EBF2: variants seen among roughly 807,000 people sequenced by gnomAD.
EBF2 encodes the protein transcription factor COE2.
Under a neutral mutation model 72.8 loss-of-function variants are expected in EBF2, and 21 were observed. That is an observed-to-expected ratio of 0.29 (90% CI 0.20 to 0.42). EBF2 has a LOEUF of 0.42. EBF2 is among the 10% of genes least tolerant of loss of function. The probability of loss-of-function intolerance (pLI) is 1.00; values close to 1 mark genes in which losing one functional copy is unlikely to be tolerated. For synonymous variants in EBF2, 299 were observed against 274.2 expected (o/e 1.09, Z -0.89); for missense variants, 637 against 731.2 (o/e 0.87, Z 1.49).
chr8:25,852,677 G>A (rs1585257931), intron 14 of EBF2, among the ~76,000 whole-genome samples: 1 of 152,180 alleles, frequency 6.6e-6, no homozygotes, highest in African/African-American at 2.4e-5. Flanking sequence ...AGGAATTGTT[G>A]CAGAGTTGAG....
At chr8:25,855,465 A>T (rs1390753500) in intron 14 of EBF2, among the ~76,000 whole-genome samples, 1 of 152,124 alleles carries the variant, frequency 6.6e-6, no homozygotes, top group Non-Finnish European at 1.5e-5. Flanking sequence ...CGGGTTTCTG[A>T]TACTCTACGT....
chr8:25,909,864 C>T (rs1434237469), intron 6 of EBF2, among the ~76,000 whole-genome samples: 1 of 152,188 alleles, frequency 6.6e-6, no homozygotes, highest in African/African-American at 2.4e-5. Flanking sequence ...TATTTGGCCA[C>T]ATGCTCCCAT....
intron 1 of EBF2, among the ~76,000 whole-genome samples, chr8:26,042,555 GCAGA>G (rs149790159): frequency 0.015 from 2,263 of 152,232 alleles, 67 homozygotes; most frequent in African/African-American, 0.052. Flanking sequence ...GACCCCGGCT[GCAGA>G]CAGAGGCCCA....
At chr8:25,896,823 T>A (rs1017401760) in intron 7 of EBF2, among the ~76,000 whole-genome samples, 5 of 152,218 alleles carry the variant, frequency 3.3e-5, no homozygotes, top group African/African-American at 4.8e-5. Flanking sequence ...TAAGCCTCCA[T>A]TAATTCAATC....
At chr8:25,900,496 A>G (rs1161326823) in intron 7 of EBF2, among the ~76,000 whole-genome samples, 3 of 152,188 alleles carry the variant, frequency 2.0e-5, no homozygotes, top group East Asian at 1.9e-4. Flanking sequence ...CTGTCTTTCC[A>G]TATCTACTGA....
intron 6 of EBF2, among the ~76,000 whole-genome samples, chr8:25,922,952 A>C (rs1803328720): frequency 7.8e-6 from 1 of 128,398 alleles, no homozygotes; most frequent in Non-Finnish European, 1.6e-5. Flanking sequence ...CAACTACTAA[A>C]GGAAAAAAAA....
At chr8:25,986,008 A>AAAAAAAAAAAAAAC in intron 6 of EBF2, among the ~76,000 whole-genome samples, 1 of 147,288 alleles carries the variant, frequency 6.8e-6, no homozygotes, top group Non-Finnish European at 1.5e-5. Context: ...TCTCAAAAAA[A>AAAAAAAAAAAAAAC]AAAAAAAAAA....
At position 25,889,788 on chromosome 8, in the gene EBF2, G is replaced by A; in HGVS notation, c.715C>T (p.His239Tyr). 1 of 1,614,028 alleles carries A rather than the reference G, an allele frequency of 6.2e-7. No individual in the cohort carries two copies. Among genetic ancestry groups the A allele is most frequent in the Non-Finnish European group, 8.5e-7 (1 of 1,179,958 alleles). The change falls in exon 8 of 16, where the codon CAT becomes TAT. Residue 239 changes from histidine to tyrosine, a missense_variant. This residue lies in a region of EBF2 where 204 missense variants were observed against 301.2 expected (regional missense o/e 0.68). Transcript: ENST00000520164. ...DNMFVHNNSKHGRRARRLDPS... is the reference protein window; with the variant it reads ...DNMFVHNNSKYGRRARRLDPS... ...TCGAGTCTTCTTGCTCTCCGTCCAT[G>A]CTTGGAGTTGTTATGAACAAACATG...
At chr8:25,868,613 T>C (rs1802375495) in intron 10 of EBF2, among the ~76,000 whole-genome samples, 1 of 152,162 alleles carries the variant, frequency 6.6e-6, no homozygotes, top group South Asian at 2.1e-4. Context: ...CCTGACTAAC[T>C]TGGGCTACAG....
intron 5 of EBF2, among the ~76,000 whole-genome samples, chr8:26,039,813 T>A (rs1805567569): frequency 6.6e-6 from 1 of 152,122 alleles, no homozygotes; most frequent in Admixed American, 6.5e-5. Context: ...ATCAGAGAGG[T>A]GGAATCCCGA....
chr8:25,889,639 C>A, intron 8 of EBF2, 113 bp downstream of exon 8: 4 of 799,864 alleles, frequency 5.0e-6, no homozygotes, highest in East Asian at 2.6e-5. Context: ...AAAAAACCCA[C>A]ATTGTTCTGT....
Position 26,031,203 on chromosome 8 carries a change from T to C in EBF2, c.551+1882A>G, listed in dbSNP as rs576964718. Among the ~76,000 whole-genome samples, 4 of 152,236 alleles carry C rather than the reference T, an allele frequency of 2.6e-5. No individual in the cohort carries two copies. The East Asian group carries it at 5.8e-4, about 22-fold the overall frequency. Reference sequence around the variant, plus strand: ...AGAAGCTAAAGATAGTGGAAAAGACTAGATCAAGATTAGTGAGCTCAATCC... The same window carrying C: ...AGAAGCTAAAGATAGTGGAAAAGACCAGATCAAGATTAGTGAGCTCAATCC... On this transcript the variant is annotated intron_variant, in intron 6 of 15. Transcript: ENST00000520164.
chr8:25,886,066 G>T (rs1231727544), intron 10 of EBF2, among the ~76,000 whole-genome samples: 3 of 151,942 alleles, frequency 2.0e-5, no homozygotes, highest in Admixed American at 1.3e-4. Context: ...CGTAAATATG[G>T]TCTTCAATTT....
At chr8:25,902,086 C>T (rs904268251) in intron 7 of EBF2, among the ~76,000 whole-genome samples, 3 of 152,110 alleles carry the variant, frequency 2.0e-5, no homozygotes, top group African/African-American at 7.2e-5. Flanking sequence ...ACCCAGCCAT[C>T]CTATCTATGA....
intron 6 of EBF2, among the ~76,000 whole-genome samples, chr8:25,998,654 T>G (rs1804674860): frequency 6.6e-6 from 1 of 152,238 alleles, no homozygotes; most frequent in Non-Finnish European, 1.5e-5. Flanking sequence ...ACTCCCTGGT[T>G]GTAAGTGTCT....
intron 6 of EBF2, among the ~76,000 whole-genome samples, chr8:25,911,246 C>A (rs1803124615): frequency 6.6e-6 from 1 of 152,218 alleles, no homozygotes; most frequent in Middle Eastern, 3.2e-3. Flanking sequence ...TTATGAGATT[C>A]AGACCAAATG....
chr8:25,957,936 T>A (rs1803975852), intron 6 of EBF2, among the ~76,000 whole-genome samples: 1 of 152,132 alleles, frequency 6.6e-6, no homozygotes, highest in South Asian at 2.1e-4. Context: ...CAGTGAGCAG[T>A]GTAACTGAGC....
intron 6 of EBF2, among the ~76,000 whole-genome samples, chr8:25,948,761 CAG>C (rs142172809): frequency 0.037 from 5,633 of 152,278 alleles, 150 homozygotes; most frequent in Middle Eastern, 0.11. Context: ...ATATATCTCA[CAG>C]AACTCCCGGG....
chr8:25,947,292 T>C (rs988521529), intron 6 of EBF2, among the ~76,000 whole-genome samples: 5 of 152,214 alleles, frequency 3.3e-5, no homozygotes. Context: ...TGCACATGCT[T>C]TCTTCCCTGC....
Sources: gnomAD v4.1 joint callset for allele counts (sites outside exome capture counted in the v4.1 genomes callset) on GRCh38, gnomAD v4.1.1 for gene constraint, gnomAD v4.1.1 regional missense constraint, MANE v1.5 for transcripts, NCBI Gene and HGNC (gene_info 2026-07-23, HGNC 2026-07-21) for gene names.